BRD7: variants seen among roughly 807,000 people sequenced by gnomAD.
The protein encoded by BRD7 is bromodomain containing 7, also known as bromodomain-containing protein 7.
Under a neutral mutation model 82.1 loss-of-function variants are expected in BRD7, and 15 were observed. The ratio of observed to expected loss-of-function variants is 0.18; its 90% CI spans 0.12 to 0.28. The LOEUF is 0.28. Ranked by LOEUF, BRD7 falls within the 10% of genes least tolerant of loss-of-function variation. BRD7 has a pLI of 1.00. For missense variants in BRD7, 638 were observed against 779.9 expected (o/e 0.82, Z 2.17); for synonymous variants, 232 against 266.9 (o/e 0.87, Z 1.27).
intron 11 of BRD7, among the ~76,000 whole-genome samples, chr16:50,324,420 T>G (rs2037249113): frequency 6.6e-6 from 1 of 152,128 alleles, no homozygotes; most frequent in African/African-American, 2.4e-5. Flanking sequence ...ACCGGGTCAC[T>G]CTTCTGCTCG....
chr16:50,331,224 A>C (rs1033044579), intron 8 of BRD7, among the ~76,000 whole-genome samples: 1 of 152,240 alleles, frequency 6.6e-6, no homozygotes, highest in Non-Finnish European at 1.5e-5. Flanking sequence ...TATTGTTAAA[A>C]CGTCCATACT....
At chr16:50,335,036 A>C (rs917861786) in intron 6 of BRD7, 141 bp from the exon 7 acceptor site, 26 of 833,974 alleles carry the variant, frequency 3.1e-5, no homozygotes, top group Non-Finnish European at 3.7e-5. Flanking sequence ...ATACCAAGAG[A>C]GTATTGTATT....
intron 10 of BRD7, 21 bp from the exon 11 acceptor site, chr16:50,325,904 T>C: frequency 1.3e-6 from 2 of 1,569,836 alleles, no homozygotes; most frequent in South Asian, 2.4e-5. Context: ...AATCAAATAC[T>C]GTAACACTAT....
intron 8 of BRD7, among the ~76,000 whole-genome samples, chr16:50,329,647 T>C (rs886621996): frequency 6.6e-6 from 1 of 152,152 alleles, no homozygotes; most frequent in Non-Finnish European, 1.5e-5. Flanking sequence ...GGAGTGATTG[T>C]CGGCTGAGAG....
In BRD7 at chr16:50,323,686, A is replaced by T. The variant is rs1000292453; in HGVS notation, c.1344T>A (p.Phe448Leu). ...ACGGATAATCTTGGCACGTGGCCAA[A>T]AACTCATGGATGCTGCAAGAGACAG... ...DLPSDFSIHE[F>L]LATCQDYPYV... The change falls in exon 12 of 17, where the codon TTT becomes TTA. Residue 448 changes from phenylalanine (F) to leucine (L), a missense_variant. Around this residue, in one of 3 missense-constraint regions of BRD7, gnomAD observed 402 missense variants for 500.8 expected, o/e 0.80. Coordinates refer to ENST00000394688, the MANE Select transcript of BRD7 (RefSeq NM_013263.5). 33 of 1,613,412 alleles carry T rather than the reference A, an allele frequency of 2.0e-5. No homozygotes were observed. The highest frequency in any genetic ancestry group is 4.2e-6 in the Non-Finnish European group (5 of 1,179,476).
intron 2 of BRD7, among the ~76,000 whole-genome samples, chr16:50,363,261 G>A (rs1028263991): frequency 5.3e-5 from 8 of 152,142 alleles, no homozygotes; most frequent in African/African-American, 1.9e-4. Flanking sequence ...AGATCAGATG[G>A]CATAAGCATT....
At chr16:50,351,301 T>A (rs907671228) in intron 4 of BRD7, among the ~76,000 whole-genome samples, 22 of 152,212 alleles carry the variant, frequency 1.4e-4, no homozygotes, top group Non-Finnish European at 2.8e-4. Context: ...AGTAGAAATC[T>A]GACTCAGGTC....
chr16:50,359,896 C>T (rs1167008669), intron 2 of BRD7, among the ~76,000 whole-genome samples: 1 of 151,908 alleles, frequency 6.6e-6, no homozygotes, highest in African/African-American at 2.4e-5. Flanking sequence ...GCATTCCAGG[C>T]AGGGGAAACA....
chr16:50,354,857 G>A lies in BRD7; in HGVS notation c.324C>T (p.His108=), dbSNP rs374498350. The A allele has an allele frequency of 3.2e-5, 52 of 1,613,080 alleles. No individual in the cohort carries two copies. The highest frequency in any genetic ancestry group is 1.8e-4 in the Middle Eastern group (1 of 5,428). Residue 108 remains histidine (H), a synonymous_variant, in exon 3 of 17, where the codon CAC becomes CAT. Coordinates refer to ENST00000394688, the MANE Select transcript of BRD7 (RefSeq NM_013263.5). ...GAGGCAAGTCTAATCTCACAGGGGC[G>A]TGACACTGGAGATCTTTTTCTGCCT... ...ENEAEKDLQC[H]APVRLDLPPE... is the part of the protein sequence containing the mutation.
chr16:50,344,552 T>C lies in BRD7; in HGVS notation c.592-4466A>G, dbSNP rs575650358. On this transcript the variant is annotated intron_variant, in intron 5 of 16. Transcript: ENST00000394688. ...TAGACGAATGGCTAACTACATTAAA[T>C]AGGGTAGAGAAGACCTTAACTGACC... Among the ~76,000 whole-genome samples the C allele has an allele frequency of 3.3e-5, 5 of 152,226 alleles. No individual in the cohort carries two copies. In the South Asian group the frequency reaches 8.3e-4, roughly 25 times the overall value.
intron 5 of BRD7, among the ~76,000 whole-genome samples, chr16:50,345,710 A>G (rs1302194959): frequency 1.3e-5 from 2 of 152,198 alleles, no homozygotes; most frequent in Admixed American, 6.5e-5. Context: ...ATTCAACAAG[A>G]AGAGCTAACT....
chr16:50,360,326 G>A (rs2038891108), intron 2 of BRD7, among the ~76,000 whole-genome samples: 1 of 152,176 alleles, frequency 6.6e-6, no homozygotes, highest in Non-Finnish European at 1.5e-5. Flanking sequence ...TGTCCTTCAG[G>A]TTGGTTACTT....
rs553074645 is a variant in BRD7 at position 50,350,800 on chromosome 16, G to A, written c.447-633C>T. 2.0e-5 allele frequency among the ~76,000 whole-genome samples: 3 copies of A among 152,272 alleles called. No homozygotes were observed. In the South Asian group the frequency reaches 6.2e-4, roughly 32 times the overall value. On this transcript the variant is annotated intron_variant, in intron 4 of 16. Transcript: ENST00000394688. ...TTTTCATCACAGATTCACAACACTGGCTGTACACTAGAATCACACAGGAGC... is the reference window on the plus strand; with the variant it reads ...TTTTCATCACAGATTCACAACACTGACTGTACACTAGAATCACACAGGAGC...
In BRD7 at chr16:50,333,673, A is replaced by G. The variant is rs2151156156; in HGVS notation, c.912T>C (p.Asp304=). 1 of 1,592,922 alleles carries G rather than the reference A, an allele frequency of 6.3e-7. No individual in the cohort carries two copies. The highest frequency in any genetic ancestry group is 1.3e-5 in the African/African-American group (1 of 74,482). Residue 304 remains aspartate (D), a synonymous_variant, in exon 8 of 17, where the codon GAT becomes GAC. Transcript: ENST00000394688. ...TCTCTAAATTATTGCTTTTAAACTT[A>G]TCTTCAAGCATATCTTTGTCTTTCC... The part of the protein sequence containing the change: ...NKKKDKDMLE[D]KFKSNNLERE...
At chr16:50,340,952 A>G (rs2038021541) in intron 5 of BRD7, among the ~76,000 whole-genome samples, 1 of 152,314 alleles carries the variant, frequency 6.6e-6, no homozygotes, top group East Asian at 1.9e-4. Flanking sequence ...AAAAAATTCA[A>G]ATTCCACTAT....
In BRD7 at chr16:50,319,074, C is replaced by T; in HGVS notation, c.*137G>A. The T allele has an allele frequency of 2.4e-6, 2 of 847,680 alleles. No homozygotes were observed. The highest frequency in any genetic ancestry group is 2.7e-5 in the East Asian group (1 of 36,706). The allele number at this position is 847,680 out of a possible 1,614,324, so 52.5% of individuals were successfully genotyped here. A position where few individuals can be genotyped will look rare whatever the true frequency, so the allele number is the denominator to read the frequency against. On this transcript the variant is annotated 3_prime_UTR_variant, in exon 17 of 17. Coordinates refer to ENST00000394688, the MANE Select transcript of BRD7 (RefSeq NM_013263.5). ...CTTTATTACCTAATACAAGTCCAAC[C>T]TCTGGAACATCCAAATTCGCTGTTC...
intron 2 of BRD7, among the ~76,000 whole-genome samples, chr16:50,367,194 T>C (rs934568831): frequency 2.2e-4 from 34 of 152,108 alleles, no homozygotes; most frequent in African/African-American, 8.0e-4. Flanking sequence ...CAGTGGCAGG[T>C]TAAATTTGGA....
intron 5 of BRD7, among the ~76,000 whole-genome samples, chr16:50,345,872 T>TTAA (rs2038263002): frequency 6.6e-6 from 1 of 151,968 alleles, no homozygotes; most frequent in Non-Finnish European, 1.5e-5. Context: ...AGACAGAAAG[T>TTAA]TAACAAGGAT....
chr16:50,340,230 A>G (rs2037989978), intron 5 of BRD7, 144 bp from the exon 6 acceptor site: 1 of 453,848 alleles, frequency 2.2e-6, no homozygotes, highest in South Asian at 4.2e-5. Context: ...ACAGTAATTT[A>G]TTAAGTTTTA....
Sources: allele counts gnomAD v4.1 joint callset (sites outside exome capture counted in the v4.1 genomes callset), GRCh38; gene constraint gnomAD v4.1.1; regional missense constraint gnomAD v4.1.1; transcripts MANE v1.5; gene names NCBI Gene and HGNC (gene_info 2026-07-23, HGNC 2026-07-21).